The following COX7A2L variants were observed in gnomAD, a reference collection of about 807,000 sequenced individuals.
The protein encoded by COX7A2L is cytochrome c oxidase subunit 7A2-like, mitochondrial.
A neutral mutation model predicts 14.2 loss-of-function variants in COX7A2L; 18 were observed. The observed-to-expected ratio is 1.27, with a 90% confidence interval of 0.88 to 1.88. The LOEUF is 1.88. Among genes scored for constraint, COX7A2L ranks in the 40% most tolerant of loss-of-function variants. COX7A2L has a pLI of 0.00. For synonymous variants in COX7A2L, 65 were observed against 57.4 expected (o/e 1.13, Z -0.60); for missense variants, 179 against 138.8 (o/e 1.29, Z -1.46).
chr2:42,355,771 G>T, intron 1 of COX7A2L, among the ~76,000 whole-genome samples: 1 of 125,054 alleles, frequency 8.0e-6, no homozygotes. Context: ...TGTTGCCCTG[G>T]CTGGAGTGCA....
chr2:42,351,318 A>C lies in COX7A2L; in HGVS notation c.246T>G (p.Pro82=), dbSNP rs1670638039. The C allele has an allele frequency of 6.2e-7, 1 of 1,614,068 alleles. No individual in the cohort carries two copies. Residue 82 remains proline (P), a synonymous_variant, in exon 3 of 3, where the codon CCT becomes CCG. Coordinates refer to ENST00000234301, the MANE Select transcript of COX7A2L (RefSeq NM_004718.4). The stretch of plus-strand genomic sequence containing the variant: ...TGGTGGTCCGGTAAAGCATTTGGTC[A>C]GGCAGGCCTCGTTTCAGGTAGACGG... ...GVPVYLKRGL[P]DQMLYRTTMA...
chr2:42,343,461 G>GT (rs1670438567), intron 2 of COX7A2L, among the ~76,000 whole-genome samples: 1 of 152,186 alleles, frequency 6.6e-6, no homozygotes, highest in African/African-American at 2.4e-5. Context: ...AAGACTGTGG[G>GT]TTAGGGAGTC....
At chr2:42,365,809 G>A (rs1003486321), upstream of COX7A2L, 2 of 152,188 alleles carry the variant, frequency 1.3e-5, no homozygotes, top group African/African-American at 4.8e-5. Context: ...TTAGGCCACA[G>A]GAAGGGTGAC....
intron 1 of COX7A2L, among the ~76,000 whole-genome samples, chr2:42,356,837 G>T (rs1251523015): frequency 6.6e-6 from 1 of 152,194 alleles, no homozygotes; most frequent in African/African-American, 2.4e-5. Context: ...GAGGTGGGAA[G>T]ATGACTTGAG....
At chr2:42,366,134 CA>C (rs1487818696), upstream of COX7A2L, among the ~76,000 whole-genome samples, 2 of 152,062 alleles carry the variant, frequency 1.3e-5, no homozygotes, top group African/African-American at 4.8e-5. Context: ...TATTCAGTAA[CA>C]AAACAAGGGG....
chr2:42,361,175 C>A lies in COX7A2L; in HGVS notation c.-14G>T. 4 of 1,599,838 alleles carry A rather than the reference C, an allele frequency of 2.5e-6. No homozygotes were observed. Among genetic ancestry groups the A allele is most frequent in the Non-Finnish European group, 2.6e-6 (3 of 1,171,432 alleles). On this transcript the variant is annotated 5_prime_UTR_variant, in exon 1 of 3. It introduces an in-frame stop codon into an upstream open reading frame of the 5' UTR. Transcript: ENST00000234301. ...CTTGTAGTACATGACGCCCAGAGTC[C>A]GGCTTCCCGCATCCGCTGCCAACGC...
chr2:42,353,139 A>G, intron 2 of COX7A2L, 73 bp downstream of exon 2: 2 of 1,552,806 alleles, frequency 1.3e-6, no homozygotes, highest in Middle Eastern at 3.4e-4. Flanking sequence ...CTAGATTAAG[A>G]TTTAGTTTCA....
chr2:42,338,050 T>C lies in COX7A2L; in HGVS notation c.193-4181A>G, dbSNP rs1670320728. ...GGGTATGACTGTGAAGCTCAGCATC[T>C]GGGACCATAGGGACAAGAGACGACC... is the stretch of plus-strand genomic sequence containing the variant. On this transcript the variant is annotated intron_variant, in intron 2 of 2. Transcript: ENST00000468711. This position sits in a 1 kb window ranked among gnomAD's most constrained non-coding sequence, Gnocchi z 4.4. Among the ~76,000 whole-genome samples the C allele has an allele frequency of 6.6e-6, 1 of 152,138 alleles. No individual in the cohort carries two copies. The highest frequency in any genetic ancestry group is 1.5e-5 in the Non-Finnish European group (1 of 68,022).
At chr2:42,365,424 C>G (rs1377815218), upstream of COX7A2L, among the ~76,000 whole-genome samples, 1 of 152,208 alleles carries the variant, frequency 6.6e-6, no homozygotes, top group East Asian at 1.9e-4. Context: ...ATCAGGAGTT[C>G]GGGACCAGCC....
chr2:42,356,218 A>G (rs1484760163), intron 1 of COX7A2L, among the ~76,000 whole-genome samples: 3 of 152,110 alleles, frequency 2.0e-5, no homozygotes, highest in Admixed American at 6.6e-5. Flanking sequence ...ACCCAACCCC[A>G]TAAGTCACCT....
downstream of COX7A2L, among the ~76,000 whole-genome samples, chr2:42,348,643 G>A (rs1016638969): frequency 1.3e-4 from 20 of 152,180 alleles, no homozygotes; most frequent in Non-Finnish European, 2.4e-4. Context: ...AACATGCTGG[G>A]CACGGTGACT....
chr2:42,368,538 T>G (rs1378740143), intron 1 of COX7A2L, among the ~76,000 whole-genome samples: 2 of 152,260 alleles, frequency 1.3e-5, no homozygotes, highest in African/African-American at 2.4e-5. Flanking sequence ...GTTAACCCAG[T>G]GAATTGAAAG....
chr2:42,344,403 T>C (rs552032471), downstream of COX7A2L, among the ~76,000 whole-genome samples: 1 of 152,246 alleles, frequency 6.6e-6, no homozygotes, highest in Non-Finnish European at 1.5e-5. Flanking sequence ...CTTTTGCTCA[T>C]ACATAATTCT....
intron 2 of COX7A2L, among the ~76,000 whole-genome samples, chr2:42,335,696 C>T (rs920485152): frequency 1.3e-5 from 2 of 152,224 alleles, no homozygotes; most frequent in Non-Finnish European, 2.9e-5. Flanking sequence ...CTCCCGCCTC[C>T]GGAGTCCGTG....
downstream of COX7A2L, among the ~76,000 whole-genome samples, chr2:42,347,408 T>A (rs1013771892): frequency 6.7e-6 from 1 of 150,322 alleles, no homozygotes; most frequent in African/African-American, 2.5e-5. Flanking sequence ...CCTAGAAATA[T>A]ATCCAACATT....
chr2:42,364,250 C>CAAAAAAAAAAAAAAA (rs35151680), upstream of COX7A2L, among the ~76,000 whole-genome samples: 42 of 85,408 alleles, frequency 4.9e-4, 1 homozygote, highest in African/African-American at 1.7e-3. Flanking sequence ...GACTCCGTCT[C>CAAAAAAAAAAAAAAA]AAAAAAAAAA....
At chr2:42,352,520 CCTTA>C (rs1161428998) in intron 2 of COX7A2L, among the ~76,000 whole-genome samples, 2 of 152,152 alleles carry the variant, frequency 1.3e-5, no homozygotes, top group Non-Finnish European at 2.9e-5. Context: ...CTCTCTCAAA[CCTTA>C]CTTATCAGAT....
rs1010380839 is a variant in COX7A2L, at chr2:42,338,179, G to A, written c.193-4310C>T. The stretch of plus-strand genomic sequence containing the variant: ...CTGGCCCACATGCAAGGCAGAGACA[G>A]CCGTTCCGTGTTTCTCCCCCAGCCG... On this transcript the variant is annotated intron_variant, in intron 2 of 2. Transcript: ENST00000468711. This position sits in a 1 kb window ranked among gnomAD's most constrained non-coding sequence, Gnocchi z 4.4. 6.6e-6 allele frequency among the ~76,000 whole-genome samples: 1 copy of A among 152,204 alleles called. No individual in the cohort carries two copies. The highest frequency in any genetic ancestry group is 2.4e-5 in the African/African-American group (1 of 41,458).
Position 42,361,048 on chromosome 2 carries a change from C to T in COX7A2L, c.72+42G>A, listed in dbSNP as rs770973680. On this transcript the variant is annotated intron_variant, in intron 1 of 2. Transcript: ENST00000234301. ...CGACTGCCTGTCGCCGAGGCTAGGG[C>T]CGCCACTTCTCATGTCCGAGCTGGC... 6 of 1,605,620 alleles carry T rather than the reference C, an allele frequency of 3.7e-6. No individual in the cohort carries two copies. The East Asian group carries it at 8.9e-5, about 24-fold the overall frequency.
Sources: gnomAD v4.1 joint callset for allele counts (sites outside exome capture counted in the v4.1 genomes callset) on GRCh38, gnomAD v4.1.1 for gene constraint, Gnocchi (gnomAD v3.1) non-coding constraint, MANE v1.5 for transcripts, NCBI Gene and HGNC (gene_info 2026-07-23, HGNC 2026-07-21) for gene names.